The following KDM4C variants were observed in gnomAD, a reference collection of about 807,000 sequenced individuals.
KDM4C encodes lysine-specific demethylase 4C.
Under a neutral mutation model 129.3 loss-of-function variants are expected in KDM4C, and 81 were observed. The ratio of observed to expected loss-of-function variants is 0.63; its 90% confidence interval spans 0.52 to 0.75. The LOEUF is 0.75. KDM4C is among the 30% of genes least tolerant of loss of function. The probability of loss-of-function intolerance (pLI) is 0.00; values close to 1 mark genes in which losing one functional copy is unlikely to be tolerated. For synonymous variants in KDM4C, 573 were observed against 456.1 expected (o/e 1.26, Z -3.26); for missense variants, 1,457 against 1,304.0 (o/e 1.12, Z -1.81).
At chr9:7,006,132 C>T (rs1821627526) in intron 12 of KDM4C, among the ~76,000 whole-genome samples, 1 of 152,154 alleles carries the variant, frequency 6.6e-6, no homozygotes, top group Admixed American at 6.5e-5. Flanking sequence ...GTGACCCTCA[C>T]CTTGGGAAGT....
intron 1 of KDM4C, among the ~76,000 whole-genome samples, chr9:6,784,794 T>G (rs1033522957): frequency 9.9e-5 from 15 of 152,220 alleles, no homozygotes; most frequent in Admixed American, 6.5e-5. Flanking sequence ...TTTGCTGTGT[T>G]GCTTTCTAAG....
At chr9:7,089,206 TA>T (rs1031278449) in intron 17 of KDM4C, among the ~76,000 whole-genome samples, 1 of 152,186 alleles carries the variant, frequency 6.6e-6, no homozygotes, top group Admixed American at 6.5e-5. Context: ...TTGAATAACG[TA>T]AAAAAATCAA....
chr9:7,042,574 G>T (rs1049062802), intron 15 of KDM4C, among the ~76,000 whole-genome samples: 2 of 151,958 alleles, frequency 1.3e-5, no homozygotes, highest in African/African-American at 4.8e-5. Flanking sequence ...AGGAGTTCTT[G>T]ATTATTTATG....
At chr9:7,173,992 G>GAA (rs1380456161) in intron 21 of KDM4C, among the ~76,000 whole-genome samples, 1 of 152,186 alleles carries the variant, frequency 6.6e-6, no homozygotes, top group Non-Finnish European at 1.5e-5. Context: ...TTAAGAAAGG[G>GAA]AACCCCTGAG....
At chr9:6,801,239 A>ATTTTTTT (rs59151680) in intron 2 of KDM4C, among the ~76,000 whole-genome samples, 7 of 65,742 alleles carry the variant, frequency 1.1e-4, no homozygotes, top group East Asian at 9.5e-4. Flanking sequence ...GAGTAGGGAA[A>ATTTTTTT]TTTTTTTTTT....
At chr9:7,097,930 G>A (rs545807715) in intron 17 of KDM4C, among the ~76,000 whole-genome samples, 1 of 152,222 alleles carries the variant, frequency 6.6e-6, no homozygotes, top group Non-Finnish European at 1.5e-5. Flanking sequence ...ACATTCATAT[G>A]GTTAATGGCT....
intron 8 of KDM4C, among the ~76,000 whole-genome samples, chr9:6,960,931 C>G (rs900871446): frequency 1.3e-5 from 2 of 152,288 alleles, no homozygotes; most frequent in South Asian, 2.1e-4. Flanking sequence ...GACAACCACA[C>G]AGAAAAATGA....
intron 1 of KDM4C, among the ~76,000 whole-genome samples, chr9:6,776,520 G>A (rs1045875520): frequency 6.6e-6 from 1 of 151,186 alleles, no homozygotes; most frequent in Non-Finnish European, 1.5e-5. Context: ...GATTACAGGC[G>A]TGAGCCACTG....
rs139316099 is a variant in KDM4C, at chr9:7,114,369, G to T, written c.2610+10499G>T. 2.4e-3 allele frequency among the ~76,000 whole-genome samples: 367 copies of T among 152,132 alleles called. 2 individuals carry two copies. Among genetic ancestry groups the T allele is most frequent in the African/African-American group, 8.6e-3 (357 of 41,494 alleles). On this transcript the variant is annotated intron_variant, in intron 18 of 21. Coordinates refer to ENST00000381309, the MANE Select transcript of KDM4C (RefSeq NM_015061.6). The stretch of plus-strand genomic sequence containing the variant: ...TTTTATCTGTTCTGATATGTATATG[G>T]GTACATTGAGAAATTAATAACAATT...
intron 3 of KDM4C, among the ~76,000 whole-genome samples, chr9:6,813,375 C>G (rs1487407998): frequency 2.6e-5 from 4 of 152,076 alleles, no homozygotes; most frequent in African/African-American, 9.7e-5. Context: ...TTCTAGTGTT[C>G]TGGGTAAATT....
upstream of KDM4C, chr9:6,757,966 C>G: frequency 1.0e-6 from 1 of 985,404 alleles, no homozygotes; most frequent in Non-Finnish European, 1.2e-6. Context: ...CGCGCCCTCG[C>G]GCAGGGAGAG....
At chr9:7,121,152 A>G (rs1839443722) in intron 18 of KDM4C, among the ~76,000 whole-genome samples, 1 of 152,190 alleles carries the variant, frequency 6.6e-6, no homozygotes, top group African/African-American at 2.4e-5. Flanking sequence ...TAAACCAGTG[A>G]TAACTATTTA....
At chr9:6,868,403 G>C (rs1842370949) in intron 5 of KDM4C, among the ~76,000 whole-genome samples, 1 of 152,122 alleles carries the variant, frequency 6.6e-6, no homozygotes, top group Non-Finnish European at 1.5e-5. Flanking sequence ...ATAAAAAGCA[G>C]TTTGAAAATC....
At chr9:7,027,539 C>G (rs1182657414) in intron 15 of KDM4C, among the ~76,000 whole-genome samples, 2 of 152,194 alleles carry the variant, frequency 1.3e-5, no homozygotes, top group African/African-American at 4.8e-5. Flanking sequence ...AGAACTGAAG[C>G]AAGCACAGCA....
chr9:7,097,944 T>A (rs1243555558), intron 17 of KDM4C, among the ~76,000 whole-genome samples: 1 of 152,250 alleles, frequency 6.6e-6, no homozygotes, highest in Non-Finnish European at 1.5e-5. Flanking sequence ...AATGGCTGTT[T>A]ATGTGTTCAG....
chr9:6,807,790 TGG>T (rs752540856), intron 3 of KDM4C, among the ~76,000 whole-genome samples: 14 of 109,654 alleles, frequency 1.3e-4, no homozygotes, highest in African/African-American at 3.7e-4. Flanking sequence ...GGGAGGGAGG[TGG>T]GGGGGGGGTC....
chr9:6,909,344 T>C (rs1409312099), intron 8 of KDM4C, among the ~76,000 whole-genome samples: 1 of 152,220 alleles, frequency 6.6e-6, no homozygotes, highest in Admixed American at 6.5e-5. Flanking sequence ...CCCCTCTTAC[T>C]GGACCCAAAA....
intron 4 of KDM4C, among the ~76,000 whole-genome samples, chr9:6,820,646 C>T (rs1430220969): frequency 1.3e-5 from 2 of 150,916 alleles, no homozygotes; most frequent in Non-Finnish European, 2.9e-5. Context: ...TCAGAATAGT[C>T]ATCCTCGACA....
intron 15 of KDM4C, among the ~76,000 whole-genome samples, chr9:7,033,279 C>T (rs1292195501): frequency 6.6e-6 from 1 of 152,032 alleles, no homozygotes; most frequent in Non-Finnish European, 1.5e-5. Context: ...TTGTCAAAGG[C>T]AGGACATTCA....
Sources: allele counts gnomAD v4.1 joint callset (sites outside exome capture counted in the v4.1 genomes callset), GRCh38; gene constraint gnomAD v4.1.1; transcripts MANE v1.5; gene names NCBI Gene and HGNC (gene_info 2026-07-23, HGNC 2026-07-21).